GRAMD1B: variants seen among roughly 807,000 people sequenced by gnomAD.
GRAMD1B encodes protein Aster-B.
A neutral mutation model predicts 99.7 loss-of-function variants in GRAMD1B; 37 were observed. That is an observed-to-expected ratio of 0.37 (90% confidence interval 0.29 to 0.49). The LOEUF is 0.49. Ranked by LOEUF, GRAMD1B falls within the 20% of genes least tolerant of loss-of-function variation. The probability of loss-of-function intolerance (pLI) is 0.98; values close to 1 mark genes in which losing one functional copy is unlikely to be tolerated. For synonymous variants in GRAMD1B, 427 were observed against 387.6 expected (o/e 1.10, Z -1.19); for missense variants, 888 against 1,009.2 (o/e 0.88, Z 1.63).
chr11:123,508,327 C>T (rs1940637614), intron 2 of GRAMD1B, among the ~76,000 whole-genome samples: 2 of 152,148 alleles, frequency 1.3e-5, no homozygotes, highest in Admixed American at 1.3e-4. Context: ...CTTATGATAA[C>T]TAACTTATTT....
At chr11:123,536,512 A>T (rs971037320) in intron 2 of GRAMD1B, among the ~76,000 whole-genome samples, 7 of 152,188 alleles carry the variant, frequency 4.6e-5, no homozygotes, top group Admixed American at 3.9e-4. Flanking sequence ...GATTCAATGA[A>T]ATAATTCGTG....
intron 2 of GRAMD1B, among the ~76,000 whole-genome samples, chr11:123,521,368 A>G (rs1942185821): frequency 6.6e-6 from 1 of 152,100 alleles, no homozygotes; most frequent in African/African-American, 2.4e-5. Context: ...TCGTTTGTCT[A>G]TTTTTAGAAT....
Position 123,615,018 on chromosome 11 carries a change from T to TC in GRAMD1B, c.2318+184dup, listed in dbSNP as rs546494681. Among the ~76,000 whole-genome samples the TC allele has an allele frequency of 4.3e-4, 65 of 152,350 alleles. No homozygotes were observed. The South Asian group carries it at 0.013, about 30-fold the overall frequency. On this transcript the variant is annotated intron_variant, in intron 17 of 19. Transcript: ENST00000635736. Reference sequence around the variant, plus strand: ...TGTTGCTTACCTCTTCGCTTCTTTTTCTCTGCTTTGTTCAGCATTTACTGT... The same window carrying TC: ...TGTTGCTTACCTCTTCGCTTCTTTTTCCTCTGCTTTGTTCAGCATTTACTGT...
intron 4 of GRAMD1B, among the ~76,000 whole-genome samples, chr11:123,593,829 C>G (rs1950949036): frequency 6.6e-6 from 1 of 152,070 alleles, no homozygotes; most frequent in Non-Finnish European, 1.5e-5. Flanking sequence ...TAACGAGAGC[C>G]CCTCCTTGCT....
chr11:123,457,753 A>G (rs1490361864), intron 1 of GRAMD1B, among the ~76,000 whole-genome samples: 1 of 152,272 alleles, frequency 6.6e-6, no homozygotes, highest in African/African-American at 2.4e-5. Context: ...GTCTCACTCT[A>G]TCGCCTGGGC....
intron 1 of GRAMD1B, among the ~76,000 whole-genome samples, chr11:123,396,094 C>T (rs1399156217): frequency 6.6e-6 from 1 of 152,112 alleles, no homozygotes. Context: ...TCCTTTCCCC[C>T]TCCTTGCTAC....
chr11:123,592,202 G>C (rs1465098374), intron 4 of GRAMD1B, among the ~76,000 whole-genome samples: 2 of 152,142 alleles, frequency 1.3e-5, no homozygotes, highest in Non-Finnish European at 2.9e-5. Flanking sequence ...GGCTTGGAAG[G>C]CTAGCAGGGG....
At chr11:123,573,536 G>A (rs1463096218) in intron 2 of GRAMD1B, among the ~76,000 whole-genome samples, 1 of 152,164 alleles carries the variant, frequency 6.6e-6, no homozygotes, top group Non-Finnish European at 1.5e-5. Context: ...AAATGAGCTT[G>A]ACAATCAGAT....
chr11:123,407,155 C>T (rs1345952320), intron 1 of GRAMD1B, among the ~76,000 whole-genome samples: 1 of 152,116 alleles, frequency 6.6e-6, no homozygotes, highest in Non-Finnish European at 1.5e-5. Flanking sequence ...GCTAGCAATA[C>T]AAAATTTGAA....
rs541127236 is a variant in GRAMD1B, at chr11:123,625,526, G to A, written c.*2931G>A. On this transcript the variant is annotated 3_prime_UTR_variant, in exon 20 of 20. Transcript: ENST00000635736. ...CTCATCCACCTCTTTGGGGACAAGAGGATTACATCTCAGGCCAGCAAGATC... is the reference window on the plus strand; with the variant it reads ...CTCATCCACCTCTTTGGGGACAAGAAGATTACATCTCAGGCCAGCAAGATC... 2.0e-5 allele frequency: 3 copies of A among 152,338 alleles called. No homozygotes were observed. In the South Asian group the frequency reaches 6.2e-4, roughly 32 times the overall value. The allele number at this position is 152,338 out of a possible 1,614,324, so 9.4% of individuals were successfully genotyped here. A position where few individuals can be genotyped will look rare whatever the true frequency, so the allele number is the denominator to read the frequency against.
intron 2 of GRAMD1B, among the ~76,000 whole-genome samples, chr11:123,489,228 G>T (rs534603655): frequency 1.3e-5 from 2 of 152,182 alleles, no homozygotes; most frequent in Admixed American, 1.3e-4. Context: ...GTGGGTCGAG[G>T]ACGAAGGATT....
At chr11:123,471,903 A>G (rs1416020858) in intron 1 of GRAMD1B, among the ~76,000 whole-genome samples, 1 of 152,222 alleles carries the variant, frequency 6.6e-6, no homozygotes, top group African/African-American at 2.4e-5. Context: ...ATTTATTATA[A>G]TATTGTTTTA....
chr11:123,371,478 T>C (rs922237748), intron 1 of GRAMD1B, among the ~76,000 whole-genome samples: 1 of 152,228 alleles, frequency 6.6e-6, no homozygotes, highest in Non-Finnish European at 1.5e-5. Flanking sequence ...TGCCTTACAA[T>C]AAATTTGTCT....
rs1346797230 is a variant in GRAMD1B, at chr11:123,626,056, C to T, written c.*3461C>T. 4 of 151,058 alleles carry T rather than the reference C, an allele frequency of 2.6e-5. No homozygotes were observed. Among genetic ancestry groups the T allele is most frequent in the Non-Finnish European group, 4.4e-5 (3 of 67,932 alleles). 9.4% of individuals were successfully genotyped at this position (151,058 alleles called of 1,614,324 possible). ...TTGGCCTAGTTTGTGAAGGGATCTT[C>T]CTTTGGACTTTCTCTAAGTTGGGAG... On this transcript the variant is annotated 3_prime_UTR_variant, in exon 20 of 20. Coordinates refer to ENST00000635736, the MANE Select transcript of GRAMD1B (RefSeq NM_001387025.1).
At chr11:123,387,348 C>T (rs550738050) in intron 1 of GRAMD1B, among the ~76,000 whole-genome samples, 2 of 152,192 alleles carry the variant, frequency 1.3e-5, no homozygotes, top group South Asian at 4.2e-4. Flanking sequence ...AGAAAGGCAG[C>T]GTGTTTGCTG....
rs549418247 is a variant in GRAMD1B at position 123,558,805 on chromosome 11, C to T, written c.453-18562C>T. Among the ~76,000 whole-genome samples, 7 of 152,304 alleles carry T rather than the reference C, an allele frequency of 4.6e-5. 1 individual carries two copies. In the East Asian group the frequency reaches 5.8e-4, roughly 13 times the overall value. On this transcript the variant is annotated intron_variant, in intron 2 of 19. Transcript: ENST00000635736. ...AGACAGCCCAGAACTATCTGCTTCC[C>T]GGATACTGTGCGGCTGCTGTTCTAT...
In GRAMD1B at chr11:123,587,629, C is replaced by T. The variant is rs1950201406; in HGVS notation, c.684+3297C>T. On this transcript the variant is annotated intron_variant, in intron 4 of 19. Transcript: ENST00000635736. The surrounding 1 kb of genome is among the most constrained non-coding windows in gnomAD (Gnocchi z 4.2). ...CTGCGGGCAGTCTTCTCCATGGCAG[C>T]CCCAGAAGGAGCATTTCTGAGATCA... is the stretch of plus-strand genomic sequence containing the variant. 6.6e-6 allele frequency among the ~76,000 whole-genome samples: 1 copy of T among 152,162 alleles called. No homozygotes were observed. Among genetic ancestry groups the T allele is most frequent in the Non-Finnish European group, 1.5e-5 (1 of 68,024 alleles).
At chr11:123,573,458 ACT>A (rs1370965109) in intron 2 of GRAMD1B, among the ~76,000 whole-genome samples, 1 of 152,182 alleles carries the variant, frequency 6.6e-6, no homozygotes, top group Non-Finnish European at 1.5e-5. Flanking sequence ...CCAGCTACCC[ACT>A]GTCTTTCCAT....
chr11:123,605,464 G>A lies in GRAMD1B; in HGVS notation c.1309G>A (p.Glu437Lys), dbSNP rs1354383551. 1 of 1,611,534 alleles carries A rather than the reference G, an allele frequency of 6.2e-7. No individual in the cohort carries two copies. The highest frequency in any genetic ancestry group is 1.1e-5 in the South Asian group (1 of 90,662). ...CACACTAACATCCACAGGGAGCAGT[G>A]AGGCCCCCGTCTCGGTATGGGCAGT... ...NSTLTSTGSS[E>K]APVSFDGLPL... Residue 437 changes from glutamate to lysine, a missense_variant, in exon 10 of 20, where the codon GAG (glutamate) becomes AAG (lysine). By Grantham distance (56) the Glu-to-Lys change is moderately conservative. Coordinates refer to ENST00000635736, the MANE Select transcript of GRAMD1B (RefSeq NM_001387025.1).
Sources: gnomAD v4.1 joint callset for allele counts (sites outside exome capture counted in the v4.1 genomes callset) on GRCh38, gnomAD v4.1.1 for gene constraint, Gnocchi (gnomAD v3.1) non-coding constraint, MANE v1.5 for transcripts, NCBI Gene and HGNC (gene_info 2026-07-23, HGNC 2026-07-21) for gene names.